The following NAPG variants were observed in gnomAD, a reference collection of about 807,000 sequenced individuals.
NAPG encodes gamma-soluble NSF attachment protein.
A neutral mutation model predicts 48.4 loss-of-function variants in NAPG; 25 were observed. The ratio of observed to expected loss-of-function variants is 0.52; its 90% confidence interval spans 0.38 to 0.72. The LOEUF is 0.72. Among genes scored for constraint, NAPG ranks in the 30% least tolerant of loss-of-function variants. NAPG has a pLI of 0.00. For synonymous variants in NAPG, 139 were observed against 127.2 expected, an observed-to-expected ratio of 1.09 and a Z score of -0.62; for missense variants, 359 against 372.5, an observed-to-expected ratio of 0.96 and a Z score of 0.30.
At chr18:10,547,424 C>T (rs2032292092) in intron 9 of NAPG, among the ~76,000 whole-genome samples, 2 of 152,168 alleles carry the variant, frequency 1.3e-5, no homozygotes, top group South Asian at 4.1e-4. Context: ...CAACTGATGG[C>T]AACCCGGCAG....
chr18:10,536,481 G>C (rs1354976030), intron 5 of NAPG, among the ~76,000 whole-genome samples: 1 of 152,194 alleles, frequency 6.6e-6, no homozygotes, highest in African/African-American at 2.4e-5. Context: ...CTTGATGACT[G>C]CTGTGATTTC....
At chr18:10,533,194 C>A in intron 3 of NAPG, 1 of 271,482 alleles carries the variant, frequency 3.7e-6, no homozygotes, top group East Asian at 7.1e-5. Context: ...TAGTTTAAAA[C>A]AGTACATTTT....
chr18:10,526,218 G>A, intron 1 of NAPG, 60 bp downstream of exon 1: 2 of 1,205,788 alleles, frequency 1.7e-6, no homozygotes, highest in East Asian at 2.4e-5. Flanking sequence ...TCACTGGCGC[G>A]GCCTTAGCAC....
At chr18:10,547,907 C>T (rs567589488) in intron 9 of NAPG, among the ~76,000 whole-genome samples, 2 of 149,886 alleles carry the variant, frequency 1.3e-5, no homozygotes, top group South Asian at 2.2e-4. Flanking sequence ...TGTGGTGTTA[C>T]GGGTCCCCCC....
rs772668228 is a variant in NAPG, at chr18:10,530,824, A to G, written c.111A>G (p.Glu37=). The G allele has an allele frequency of 1.3e-6, 2 of 1,584,594 alleles. No individual in the cohort carries two copies. Among genetic ancestry groups the G allele is most frequent in the Non-Finnish European group, 1.7e-6 (2 of 1,166,662 alleles). ...CAGATTATGACAGTGCCGCTTCTGA[A>G]TATGGAAAAGCAGGTATTTTTGACT... is the stretch of plus-strand genomic sequence containing the variant. ...WKPDYDSAAS[E]YGKAAVAFKN... Residue 37 remains glutamate (E), a synonymous_variant, in exon 2 of 12, where the codon GAA becomes GAG. Transcript: ENST00000322897.
At chr18:10,531,308 T>C (rs1360565653) in intron 2 of NAPG, among the ~76,000 whole-genome samples, 1 of 152,236 alleles carries the variant, frequency 6.6e-6, no homozygotes, top group African/African-American at 2.4e-5. Flanking sequence ...TCAGTGTTCA[T>C]GAAGTGTTAA....
intron 5 of NAPG, among the ~76,000 whole-genome samples, chr18:10,535,252 A>AT (rs1567889490): frequency 6.6e-6 from 1 of 152,230 alleles, no homozygotes; most frequent in East Asian, 1.9e-4. Flanking sequence ...GAACTTACTC[A>AT]TTTTTTTAGT....
chr18:10,527,003 C>T (rs1042770376), intron 1 of NAPG, among the ~76,000 whole-genome samples: 63 of 152,040 alleles, frequency 4.1e-4, no homozygotes, highest in African/African-American at 1.5e-3. Context: ...TCCTGGCTAA[C>T]ACGGTGAAAA....
Position 10,539,961 on chromosome 18 carries a change from T to G in NAPG, c.369-27T>G, listed in dbSNP as rs562577262. 1 of 1,607,526 alleles carries G rather than the reference T, an allele frequency of 6.2e-7. No individual in the cohort carries two copies. The highest frequency in any genetic ancestry group is 2.2e-5 in the East Asian group (1 of 44,790). On this transcript the variant is annotated intron_variant, in intron 6 of 11. Coordinates refer to ENST00000322897, the MANE Select transcript of NAPG (RefSeq NM_003826.3). The surrounding 1 kb of genome is among the most constrained non-coding windows in gnomAD (Gnocchi z 4.7). ...AAAAACAAGTTTTCCATTTCTCATA[T>G]AAGACATGTTTTCTTGTCTGATTCA... is the stretch of plus-strand genomic sequence containing the variant.
chr18:10,546,473 T>C lies in NAPG; in HGVS notation c.585+69T>C. 1 of 855,266 alleles carries C rather than the reference T, an allele frequency of 1.2e-6. No homozygotes were observed. Among genetic ancestry groups the C allele is most frequent in the African/African-American group, 1.7e-5 (1 of 57,810 alleles). The allele number at this position is 855,266 out of a possible 1,614,324, so 53.0% of individuals were successfully genotyped here. A position where few individuals can be genotyped will look rare whatever the true frequency, so the allele number is the denominator to read the frequency against. On this transcript the variant is annotated intron_variant, in intron 9 of 11. Transcript: ENST00000322897. This position sits in a 1 kb window ranked among gnomAD's most constrained non-coding sequence, Gnocchi z 4.0. ...TTTTTATACTGGTATGAATAAGTAC[T>C]TAAGAAAGGATTCTATGGGTATTTC...
rs1234717127 is a variant in NAPG, at chr18:10,546,236, A to G, written c.507-90A>G. The G allele has an allele frequency of 2.6e-6, 2 of 760,588 alleles. No homozygotes were observed. Among genetic ancestry groups the G allele is most frequent in the Admixed American group, 3.1e-5 (1 of 32,280 alleles). The allele number at this position is 760,588 out of a possible 1,614,324, so 47.1% of individuals were successfully genotyped here. A position where few individuals can be genotyped will look rare whatever the true frequency, so the allele number is the denominator to read the frequency against. On this transcript the variant is annotated intron_variant, in intron 8 of 11. Transcript: ENST00000322897. The surrounding 1 kb of genome is among the most constrained non-coding windows in gnomAD (Gnocchi z 4.0). ...TAATACCTGTCCTCCTGGTGTCTCTACAATCTATGATGTCAAGTACATTTC... is the reference window on the plus strand; with the variant it reads ...TAATACCTGTCCTCCTGGTGTCTCTGCAATCTATGATGTCAAGTACATTTC...
In NAPG at chr18:10,546,899, A is replaced by T. The variant is rs2032278597; in HGVS notation, c.585+495A>T. On this transcript the variant is annotated intron_variant, in intron 9 of 11. Transcript: ENST00000322897. The surrounding 1 kb of genome is among the most constrained non-coding windows in gnomAD (Gnocchi z 4.0). ...TGCTCCAAGCTTGTCCCAGGCATGG[A>T]GCTACACTGTGATGATGGCTCAGGT... Among the ~76,000 whole-genome samples, 1 of 152,158 alleles carries T rather than the reference A, an allele frequency of 6.6e-6. No individual in the cohort carries two copies. Among genetic ancestry groups the T allele is most frequent in the South Asian group, 2.1e-4 (1 of 4,830 alleles).
Position 10,548,298 on chromosome 18 carries a change from G to C in NAPG, c.586-1G>C. On this transcript the variant is annotated splice_acceptor_variant, in intron 9 of 11. Coordinates refer to ENST00000322897, the MANE Select transcript of NAPG (RefSeq NM_003826.3). LOFTEE classifies it high-confidence loss of function. The surrounding 1 kb of genome is among the most constrained non-coding windows in gnomAD (Gnocchi z 4.4). ...GACCATGATCCTCTCTTTTGTTTTA[G>C]AAAACAATTGCTCAAGTCTTAGTTC... The C allele has an allele frequency of 6.2e-7, 1 of 1,609,658 alleles. No individual in the cohort carries two copies. The highest frequency in any genetic ancestry group is 8.5e-7 in the Non-Finnish European group (1 of 1,176,390).
intron 8 of NAPG, among the ~76,000 whole-genome samples, chr18:10,541,379 T>A (rs2032153834): frequency 1.3e-5 from 2 of 152,236 alleles, no homozygotes; most frequent in South Asian, 4.1e-4. Context: ...TCTTTATTCA[T>A]CTTATTACTT....
chr18:10,541,444 C>T (rs2032155075), intron 8 of NAPG, among the ~76,000 whole-genome samples: 1 of 152,206 alleles, frequency 6.6e-6, no homozygotes, highest in Admixed American at 6.5e-5. Context: ...CAAATCCCAA[C>T]TTAAAAATGG....
chr18:10,539,634 C>A lies in NAPG; in HGVS notation c.259-128C>A. The A allele has an allele frequency of 2.6e-6, 2 of 762,420 alleles. No homozygotes were observed. The highest frequency in any genetic ancestry group is 2.4e-5 in the Admixed American group (1 of 41,654). 47.2% of individuals were successfully genotyped at this position (762,420 alleles called of 1,614,324 possible). On this transcript the variant is annotated intron_variant, in intron 5 of 11. Coordinates refer to ENST00000322897, the MANE Select transcript of NAPG (RefSeq NM_003826.3). The surrounding 1 kb of genome is among the most constrained non-coding windows in gnomAD (Gnocchi z 4.7). Reference sequence around the variant, plus strand: ...CCATGGGACATGTATACCTATGTAACAAACCTGCACATTCTGCACATGTGT... The same window carrying A: ...CCATGGGACATGTATACCTATGTAAAAAACCTGCACATTCTGCACATGTGT...
In NAPG at chr18:10,548,824, C is replaced by A; in HGVS notation, c.666-143C>A. 1 of 1,004,470 alleles carries A rather than the reference C, an allele frequency of 1.0e-6. No individual in the cohort carries two copies. The highest frequency in any genetic ancestry group is 1.4e-6 in the Non-Finnish European group (1 of 701,670). 62.2% of individuals were successfully genotyped at this position (1,004,470 alleles called of 1,614,324 possible). Reference sequence around the variant, plus strand: ...GGTTAGCGGGATCCCCGGTCTCTGCCCTCTAGATGCCACTAGCATTCCCAC... The same window carrying A: ...GGTTAGCGGGATCCCCGGTCTCTGCACTCTAGATGCCACTAGCATTCCCAC... On this transcript the variant is annotated intron_variant, in intron 10 of 11. Transcript: ENST00000322897. The surrounding 1 kb of genome is among the most constrained non-coding windows in gnomAD (Gnocchi z 4.4).
In NAPG at chr18:10,550,124, G is replaced by C. The variant is rs2305370; in HGVS notation, c.843G>C (p.Lys281Asn). 484 of 1,576,534 alleles carry C rather than the reference G, an allele frequency of 3.1e-4. 3 individuals are homozygous for C. In the East Asian group the frequency reaches 0.011, roughly 35 times the overall value. Residue 281 changes from lysine to asparagine, a missense_variant, in exon 12 of 12, where the codon AAG becomes AAC. Coordinates refer to ENST00000322897, the MANE Select transcript of NAPG (RefSeq NM_003826.3). ...LSLVVPGGGI[K>N]KKSPATPQAK... ...TGGTGGTTCCAGGAGGGGGAATCAA[G>C]AAGAAATCACCTGCAACACCACAGG...
At chr18:10,528,901 T>TA (rs1187251391) in intron 1 of NAPG, among the ~76,000 whole-genome samples, 5 of 152,234 alleles carry the variant, frequency 3.3e-5, no homozygotes, top group Non-Finnish European at 7.3e-5. Flanking sequence ...CTCCATTTTC[T>TA]AATGATGACG....
Sources: allele counts gnomAD v4.1 joint callset (sites outside exome capture counted in the v4.1 genomes callset), GRCh38; gene constraint gnomAD v4.1.1; non-coding constraint Gnocchi (gnomAD v3.1); transcripts MANE v1.5; gene names NCBI Gene and HGNC (gene_info 2026-07-23, HGNC 2026-07-21).